Variants in LARGE1 observed in about 807,000 individuals in gnomAD.
The protein encoded by LARGE1 is xylosyl- and glucuronyltransferase LARGE1.
In LARGE1, 43 loss-of-function variants were observed where a neutral mutation model predicts 87.6. The observed-to-expected ratio is 0.49, with a 90% confidence interval of 0.38 to 0.63. The LOEUF is 0.63. Among genes scored for constraint, LARGE1 ranks in the 30% least tolerant of loss-of-function variants. The pLI, the probability that LARGE1 is intolerant of heterozygous loss-of-function variation, is 0.00. For synonymous variants in LARGE1, 434 were observed against 394.6 expected (o/e 1.10, Z -1.18); for missense variants, 802 against 1,000.2 (o/e 0.80, Z 2.67).
At position 33,920,307 on chromosome 22, in the gene LARGE1, G is replaced by C. The variant is rs1352080791; in HGVS notation, c.-395C>G. On this transcript the variant is annotated 5_prime_UTR_variant, in exon 1 of 15. Transcript: ENST00000397394. ...ATGGGCAGGGGCCTGGGTCAGCCTC[G>C]GGTTGGGTCCAGGGAGCGACCGCCG... 6.6e-6 allele frequency: 1 copy of C among 152,442 alleles called. No homozygotes were observed. The highest frequency in any genetic ancestry group is 1.5e-5 in the Non-Finnish European group (1 of 68,306). 9.4% of individuals were successfully genotyped at this position (152,442 alleles called of 1,614,324 possible).
chr22:33,136,866 G>T, the LARGE1 span, among the ~76,000 whole-genome samples: 32 of 151,978 alleles, frequency 2.1e-4, no homozygotes, highest in African/African-American at 7.7e-4. Context: ...TTCCAAGGTG[G>T]GTTGTTTTGA....
chr22:33,881,958 CA>C (rs2064697205), intron 1 of LARGE1, among the ~76,000 whole-genome samples: 1 of 151,890 alleles, frequency 6.6e-6, no homozygotes, highest in South Asian at 2.1e-4. Flanking sequence ...AGCACTTTAA[CA>C]GAGGAGAGGA....
At chr22:33,301,739 G>A (rs1373208494) in intron 12 of LARGE1, among the ~76,000 whole-genome samples, 1 of 152,204 alleles carries the variant, frequency 6.6e-6, no homozygotes, top group Non-Finnish European at 1.5e-5. Context: ...ATACCTTCCT[G>A]TGATAAGGTA....
intron 6 of LARGE1, among the ~76,000 whole-genome samples, chr22:33,447,940 A>G (rs1046653928): frequency 6.6e-6 from 1 of 152,210 alleles, no homozygotes; most frequent in African/African-American, 2.4e-5. Flanking sequence ...CACCTGGATG[A>G]ACCTTGGAAA....
chr22:33,189,479 G>A (rs866094438), intron 11 of LARGE1, among the ~76,000 whole-genome samples: 13 of 151,994 alleles, frequency 8.6e-5, no homozygotes, highest in Middle Eastern at 3.4e-3. Flanking sequence ...ACACACACAC[G>A]CACATACACA....
intron 2 of LARGE1, among the ~76,000 whole-genome samples, chr22:33,669,420 T>C (rs1320177636): frequency 1.3e-5 from 2 of 152,236 alleles, no homozygotes; most frequent in African/African-American, 4.8e-5. Context: ...TGGTAGATTA[T>C]AACATTAGTA....
intron 11 of LARGE1, among the ~76,000 whole-genome samples, chr22:33,304,899 A>G (rs1385728595): frequency 6.6e-6 from 1 of 152,202 alleles, no homozygotes; most frequent in African/African-American, 2.4e-5. Flanking sequence ...GCCAGAGAGG[A>G]CTTACACAAA....
chr22:33,293,776 C>A (rs1433084795), intron 12 of LARGE1, among the ~76,000 whole-genome samples: 1 of 152,138 alleles, frequency 6.6e-6, no homozygotes, highest in African/African-American at 2.4e-5. Context: ...TGTACTGATC[C>A]TACATGTCAC....
intron 1 of LARGE1, among the ~76,000 whole-genome samples, chr22:33,844,395 G>T (rs2063370039): frequency 6.6e-6 from 1 of 152,186 alleles, no homozygotes; most frequent in African/African-American, 2.4e-5. Flanking sequence ...CAAGCTGGGA[G>T]CTGGGAGCAT....
intron 6 of LARGE1, among the ~76,000 whole-genome samples, chr22:33,443,568 C>T (rs1569167591): frequency 6.6e-6 from 1 of 152,120 alleles, no homozygotes; most frequent in Non-Finnish European, 1.5e-5. Context: ...CCCAGGGCAC[C>T]TCGGGAGCAT....
rs189907300 is a variant in LARGE1, at chr22:33,433,647, T to A, written c.788-1382A>T. 2.0e-4 allele frequency among the ~76,000 whole-genome samples: 29 copies of A among 147,276 alleles called. No homozygotes were observed. The East Asian group carries it at 5.7e-3, about 29-fold the overall frequency. The stretch of plus-strand genomic sequence containing the variant: ...AAAAAAAAAGAAAGGGAAATTGAGG[T>A]TTAGAGAGTTTAAATAACTTGGAAA... On this transcript the variant is annotated intron_variant, in intron 6 of 14. Coordinates refer to ENST00000397394, the MANE Select transcript of LARGE1 (RefSeq NM_133642.5).
At chr22:33,764,298 C>T (rs565834246) in intron 1 of LARGE1, among the ~76,000 whole-genome samples, 44 of 152,198 alleles carry the variant, frequency 2.9e-4, no homozygotes, top group Admixed American at 2.6e-3. Flanking sequence ...CCAGAGTTAC[C>T]GTTCTCCCTA....
the LARGE1 span, among the ~76,000 whole-genome samples, chr22:33,128,390 G>C: frequency 1.3e-5 from 2 of 152,154 alleles, no homozygotes; most frequent in African/African-American, 4.8e-5. Context: ...AGAAAATGTG[G>C]TAGGCCAGAT....
intron 2 of LARGE1, among the ~76,000 whole-genome samples, chr22:33,731,418 C>T (rs1027641774): frequency 6.6e-6 from 1 of 152,040 alleles, no homozygotes; most frequent in Non-Finnish European, 1.5e-5. Flanking sequence ...TAGTTGTATT[C>T]GTCAGAGCTG....
chr22:33,117,682 T>G, the LARGE1 span, among the ~76,000 whole-genome samples: 2 of 152,098 alleles, frequency 1.3e-5, no homozygotes, highest in African/African-American at 2.4e-5. Context: ...AATAAAACAG[T>G]GCTCACAAAG....
At chr22:33,891,454 C>A (rs200592661) in intron 1 of LARGE1, among the ~76,000 whole-genome samples, 1 of 117,772 alleles carries the variant, frequency 8.5e-6, no homozygotes, top group Non-Finnish European at 1.8e-5. Context: ...AAAAAAAAAA[C>A]TGTATTGAGA....
chr22:33,718,315 G>A (rs1261175502), intron 2 of LARGE1, among the ~76,000 whole-genome samples: 7 of 152,268 alleles, frequency 4.6e-5, no homozygotes, highest in Non-Finnish European at 1.0e-4. Flanking sequence ...ACAGCACTGT[G>A]GAGAGCCAGA....
chr22:33,167,636 A>G (rs1922343571), intron 11 of LARGE1, among the ~76,000 whole-genome samples: 1 of 152,232 alleles, frequency 6.6e-6, no homozygotes, highest in South Asian at 2.1e-4. Context: ...ATTCCCAACC[A>G]GATTGCTAGT....
At chr22:33,790,892 T>G (rs2085800650) in intron 1 of LARGE1, among the ~76,000 whole-genome samples, 1 of 152,254 alleles carries the variant, frequency 6.6e-6, no homozygotes, top group South Asian at 2.1e-4. Context: ...TTAGATAACT[T>G]CAGAAGTTTC....
Sources: allele counts gnomAD v4.1 joint callset (sites outside exome capture counted in the v4.1 genomes callset), GRCh38; gene constraint gnomAD v4.1.1; transcripts MANE v1.5; gene names NCBI Gene and HGNC (gene_info 2026-07-23, HGNC 2026-07-21).